Variants in AK9 observed in about 807,000 individuals in gnomAD.
AK9 encodes adenylate kinase 9, also known as adenylate kinase domain containing 1.
A neutral mutation model predicts 239.6 loss-of-function variants in AK9; 191 were observed. The observed-to-expected ratio is 0.80, with a 90% CI of 0.71 to 0.90. AK9 has a LOEUF of 0.90. AK9 is among the 40% of genes least tolerant of loss of function. AK9 has a pLI of 0.00. For missense variants in AK9, 1,995 were observed against 2,214.7 expected (o/e 0.90, Z 1.99); for synonymous variants, 689 against 721.0 (o/e 0.96, Z 0.71).
chr6:109,676,913 T>C (rs781094295), intron 1 of AK9, among the ~76,000 whole-genome samples: 4 of 151,964 alleles, frequency 2.6e-5, no homozygotes, highest in Non-Finnish European at 5.9e-5. Flanking sequence ...TATGCAGCCA[T>C]GAAAAATAAG....
chr6:109,598,223 C>A (rs1379408468), intron 17 of AK9, among the ~76,000 whole-genome samples: 2 of 141,422 alleles, frequency 1.4e-5, no homozygotes, highest in African/African-American at 2.7e-5. Flanking sequence ...TCCCTCCCCC[C>A]TCCCCCCACC....
intron 13 of AK9, among the ~76,000 whole-genome samples, chr6:109,618,439 AAC>A (rs1172728121): frequency 4.5e-4 from 67 of 150,438 alleles, no homozygotes; most frequent in South Asian, 3.5e-3. Flanking sequence ...GAAAAAAAAA[AAC>A]AAAACGCTTT....
chr6:109,637,672 AC>A (rs1190243897), intron 10 of AK9, among the ~76,000 whole-genome samples: 1 of 152,064 alleles, frequency 6.6e-6, no homozygotes, highest in African/African-American at 2.4e-5. Flanking sequence ...TTCCTAGATG[AC>A]CCCATTTTGC....
rs1583383555 is a variant in AK9, at chr6:109,641,685, G to A, written c.835-69C>T. On this transcript the variant is annotated intron_variant, in intron 9 of 40. Coordinates refer to ENST00000424296, the MANE Select transcript of AK9 (RefSeq NM_001145128.3). ...ATCTCAAATACTCTGAAACAGTGGT[G>A]GGCTTATGAGCCAAGACCATGCTCC... 2.9e-6 allele frequency: 4 copies of A among 1,373,072 alleles called. No homozygotes were observed. In the East Asian group the frequency reaches 7.2e-5, roughly 25 times the overall value. The allele number at this position is 1,373,072 out of a possible 1,614,324, so 85.1% of individuals were successfully genotyped here.
At chr6:109,646,896 A>T (rs1214187540) in intron 8 of AK9, among the ~76,000 whole-genome samples, 1 of 152,264 alleles carries the variant, frequency 6.6e-6, no homozygotes, top group Non-Finnish European at 1.5e-5. Flanking sequence ...ATCTCTTGGC[A>T]GAAACTCCAC....
intron 1 of AK9, among the ~76,000 whole-genome samples, chr6:109,678,857 G>T (rs1359641382): frequency 6.6e-6 from 1 of 152,112 alleles, no homozygotes; most frequent in Non-Finnish European, 1.5e-5. Context: ...GCAAGGGGTC[G>T]GGGAACTCCC....
intron 9 of AK9, among the ~76,000 whole-genome samples, chr6:109,642,827 G>T (rs1797625318): frequency 6.6e-6 from 1 of 152,092 alleles, no homozygotes; most frequent in African/African-American, 2.4e-5. Context: ...ACTTAAATCT[G>T]AAATGACTAG....
intron 17 of AK9, among the ~76,000 whole-genome samples, chr6:109,602,480 G>A (rs1418352961): frequency 2.6e-5 from 4 of 152,252 alleles, no homozygotes; most frequent in East Asian, 1.9e-4. Flanking sequence ...TGGGTAACCC[G>A]ACCTTTCTCT....
In AK9 at chr6:109,604,157, C is replaced by T. The variant is rs536459269; in HGVS notation, c.1842+6208G>A. 3.1e-4 allele frequency among the ~76,000 whole-genome samples: 47 copies of T among 152,264 alleles called. No homozygotes were observed. In the South Asian group the frequency reaches 8.5e-3, roughly 28 times the overall value. ...AAATGCGGAAATCACCCATCCTCTGCGTCATTCACGCTGGGAGCTGTAGAC... is the reference window on the plus strand; with the variant it reads ...AAATGCGGAAATCACCCATCCTCTGTGTCATTCACGCTGGGAGCTGTAGAC... On this transcript the variant is annotated intron_variant, in intron 17 of 40. Coordinates refer to ENST00000424296, the MANE Select transcript of AK9 (RefSeq NM_001145128.3).
chr6:109,549,736 ACT>A (rs1424539938), intron 25 of AK9: 1 of 134,240 alleles, frequency 7.4e-6, no homozygotes, highest in East Asian at 2.4e-4. Flanking sequence ...CGCGATCTCG[ACT>A]CACTGCAAGC....
At chr6:109,637,385 T>A (rs542490195) in intron 10 of AK9, among the ~76,000 whole-genome samples, 119 of 152,212 alleles carry the variant, frequency 7.8e-4, no homozygotes, top group African/African-American at 2.7e-3. Flanking sequence ...TTTTTTTTTG[T>A]AGAGATGGGG....
chr6:109,626,939 A>G (rs980670096), intron 12 of AK9, among the ~76,000 whole-genome samples: 2 of 152,130 alleles, frequency 1.3e-5, no homozygotes, highest in African/African-American at 2.4e-5. Context: ...AATTTATTTA[A>G]AATTTGTTTC....
rs775003384 is a variant in AK9, at chr6:109,533,480, A to G, written c.3351-10T>C. 14 of 1,555,972 alleles carry G rather than the reference A, an allele frequency of 9.0e-6. No homozygotes were observed. The Admixed American group carries it at 3.0e-4, about 33-fold the overall frequency. On this transcript the variant is annotated splice_polypyrimidine_tract_variant and intron_variant, in intron 27 of 40. Coordinates refer to ENST00000424296, the MANE Select transcript of AK9 (RefSeq NM_001145128.3). ...TATAAAACCTGTGGAACTGGTGGAA[A>G]TTTTCATAATTTACTTTATTTCATT...
intron 27 of AK9, among the ~76,000 whole-genome samples, chr6:109,536,985 G>A (rs140962046): frequency 0.011 from 1,736 of 152,270 alleles, 31 homozygotes; most frequent in African/African-American, 0.039. Flanking sequence ...GCTTTTTGAT[G>A]TGCTGTTGGA....
chr6:109,604,616 A>G (rs753153229), intron 17 of AK9, among the ~76,000 whole-genome samples: 1 of 152,164 alleles, frequency 6.6e-6, no homozygotes, highest in African/African-American at 2.4e-5. Context: ...TTTTAGCATT[A>G]CAACATATTT....
At chr6:109,609,072 C>T (rs1164177249) in intron 17 of AK9, among the ~76,000 whole-genome samples, 1 of 152,214 alleles carries the variant, frequency 6.6e-6, no homozygotes. Context: ...GTTAAAATCT[C>T]ATACGATTTA....
intron 17 of AK9, among the ~76,000 whole-genome samples, chr6:109,609,332 C>T (rs961419004): frequency 6.6e-6 from 1 of 152,172 alleles, no homozygotes; most frequent in Non-Finnish European, 1.5e-5. Context: ...AATTCCTACA[C>T]CTCATACACA....
Position 109,546,019 on chromosome 6 carries a change from C to A in AK9, c.3073G>T (p.Val1025Phe), listed in dbSNP as rs1783509871. The A allele has an allele frequency of 1.9e-6, 3 of 1,613,700 alleles. No individual in the cohort carries two copies. Among genetic ancestry groups the A allele is most frequent in the Admixed American group, 1.7e-5 (1 of 59,952 alleles). ...TTGAGTAGTAGTTTTTCTTGAAGAACTTCTTCAAACTGAATGTGAAAAATG... is the reference window on the plus strand; with the variant it reads ...TTGAGTAGTAGTTTTTCTTGAAGAAATTCTTCAAACTGAATGTGAAAAATG... ...LNIFHIQFEE[V>F]LQEKLLLKTE... Residue 1025 changes from valine to phenylalanine, a missense_variant, in exon 26 of 41, where the codon GTT becomes TTT. Transcript: ENST00000424296.
At chr6:109,690,169 C>T (rs1562623996) in intron 1 of AK9, among the ~76,000 whole-genome samples, 1 of 152,104 alleles carries the variant, frequency 6.6e-6, no homozygotes, top group East Asian at 1.9e-4. Context: ...GAGAAGCCCT[C>T]TAGCAGAGGT....
Sources: gnomAD v4.1 joint callset for allele counts (sites outside exome capture counted in the v4.1 genomes callset) on GRCh38, gnomAD v4.1.1 for gene constraint, MANE v1.5 for transcripts, NCBI Gene and HGNC (gene_info 2026-07-23, HGNC 2026-07-21) for gene names.